Variants in VPS13A observed in about 807,000 individuals in gnomAD.
VPS13A encodes intermembrane lipid transfer protein VPS13A.
Under a neutral mutation model 390.9 loss-of-function variants are expected in VPS13A, and 264 were observed. The ratio of observed to expected loss-of-function variants is 0.68; its 90% CI spans 0.61 to 0.75. The LOEUF (loss-of-function observed/expected upper bound fraction) is 0.75, where lower values mean the gene tolerates loss of function less well. Ranked by LOEUF, VPS13A falls within the 30% of genes least tolerant of loss-of-function variation. The probability of loss-of-function intolerance (pLI) is 0.00; values close to 1 mark genes in which losing one functional copy is unlikely to be tolerated. For missense variants in VPS13A, 3,409 were observed against 3,733.9 expected (o/e 0.91, Z 2.27); for synonymous variants, 1,231 against 1,227.1 (o/e 1.00, Z -0.07).
intron 67 of VPS13A, among the ~76,000 whole-genome samples, chr9:77,373,822 C>T (rs184789722): frequency 1.1e-3 from 160 of 151,560 alleles, no homozygotes; most frequent in Non-Finnish European, 1.3e-3. Context: ...AAAAAGTGGG[C>T]GAAGGACATG....
At position 77,343,943 on chromosome 9, in the gene VPS13A, A is replaced by C. The variant is rs190485195; in HGVS notation, c.7027-210A>C. Among the ~76,000 whole-genome samples, 269 of 152,306 alleles carry C rather than the reference A, an allele frequency of 1.8e-3. 2 individuals carry two copies. The highest frequency in any genetic ancestry group is 5.8e-3 in the African/African-American group (243 of 41,568). ...ACTTACCATAGCTCTTCAATTTGCT[A>C]TCCACTGCTTCTTGAATGCATAGTG... On this transcript the variant is annotated intron_variant, in intron 50 of 71. Transcript: ENST00000360280.
chr9:77,419,620 A>G lies in VPS13A; in HGVS notation c.*3614A>G, dbSNP rs1469271198. ...AAAATATTTTTCTTCTCTGCTGTGTATCGGGCAACCTCACATGATTCAGTG... is the reference window on the plus strand; with the variant it reads ...AAAATATTTTTCTTCTCTGCTGTGTGTCGGGCAACCTCACATGATTCAGTG... On this transcript the variant is annotated 3_prime_UTR_variant, in exon 72 of 72. Transcript: ENST00000360280. 1 of 152,202 alleles carries G rather than the reference A, an allele frequency of 6.6e-6. No individual in the cohort carries two copies. The highest frequency in any genetic ancestry group is 6.5e-5 in the Admixed American group (1 of 15,284). 9.4% of individuals were successfully genotyped at this position (152,202 alleles called of 1,614,324 possible). A position where few individuals can be genotyped will look rare whatever the true frequency, so the allele number is the denominator to read the frequency against.
At chr9:77,326,000 A>G (rs1205880607) in intron 45 of VPS13A, among the ~76,000 whole-genome samples, 1 of 152,084 alleles carries the variant, frequency 6.6e-6, no homozygotes, top group African/African-American at 2.4e-5. Context: ...TTTCACATAT[A>G]TGTATTACAG....
chr9:77,365,117 A>G (rs1190896972), intron 59 of VPS13A, among the ~76,000 whole-genome samples: 1 of 152,220 alleles, frequency 6.6e-6, no homozygotes, highest in Non-Finnish European at 1.5e-5. Context: ...AGACTACAAA[A>G]TACAAGTTGA....
rs1309386470 is a variant in VPS13A at position 77,337,335 on chromosome 9, A to G, written c.6176A>G (p.Asp2059Gly). 5 of 1,612,762 alleles carry G rather than the reference A, an allele frequency of 3.1e-6. No homozygotes were observed. The highest frequency in any genetic ancestry group is 1.3e-5 in the African/African-American group (1 of 74,902). Residue 2059 changes from aspartate to glycine, a missense_variant, in exon 47 of 72, where the codon GAT becomes GGT. Physicochemically the swap from Asp to Gly is moderately conservative, Grantham distance 94. Around this residue, in one of 5 missense-constraint regions of VPS13A, gnomAD observed 2,717 missense variants for 2,917.4 expected, o/e 0.93. Coordinates refer to ENST00000360280, the MANE Select transcript of VPS13A (RefSeq NM_033305.3). The stretch of plus-strand genomic sequence containing the variant: ...GACTTTGAAGAGATTATAAAAAATG[A>G]TGGTGCTCTTCTAAAGAAGAAATGT... The part of the protein sequence containing the change: ...GIDFEEIIKN[D>G]GALLKKKCRS...
intron 62 of VPS13A, among the ~76,000 whole-genome samples, chr9:77,368,632 C>T (rs1001650663): frequency 6.6e-6 from 1 of 152,066 alleles, no homozygotes; most frequent in African/African-American, 2.4e-5. Flanking sequence ...ATTTGGATTT[C>T]TCCCACTTTT....
intron 23 of VPS13A, among the ~76,000 whole-genome samples, chr9:77,262,108 C>CT (rs1455990936): frequency 2.0e-5 from 3 of 152,042 alleles, no homozygotes; most frequent in Admixed American, 6.6e-5. Flanking sequence ...TTATGGTTGT[C>CT]TAATTAAGGA....
rs186605715 is a variant in VPS13A, at chr9:77,336,321, C to T, written c.6096-934C>T. 5.4e-3 allele frequency among the ~76,000 whole-genome samples: 823 copies of T among 152,068 alleles called. 9 individuals are homozygous for T. Among genetic ancestry groups the T allele is most frequent in the African/African-American group, 0.019 (779 of 41,476 alleles). ...TACCTCTGTAACAAACCTGCACTTT[C>T]TGCATATGTATCCCAGAACCTAAAG... On this transcript the variant is annotated intron_variant, in intron 46 of 71. Transcript: ENST00000360280.
At chr9:77,282,328 C>A in intron 29 of VPS13A, 54 bp downstream of exon 29, 3 of 1,495,574 alleles carry the variant, frequency 2.0e-6, no homozygotes, top group South Asian at 2.4e-5. Context: ...CCATGTAGGT[C>A]AATAAATCTA....
intron 42 of VPS13A, among the ~76,000 whole-genome samples, chr9:77,319,909 C>T (rs539319255): frequency 1.4e-4 from 22 of 152,112 alleles, no homozygotes; most frequent in Non-Finnish European, 2.9e-4. Flanking sequence ...CCACACTCGA[C>T]ACTTTATTTT....
intron 40 of VPS13A, 64 bp downstream of exon 40, chr9:77,317,762 G>A: frequency 8.0e-7 from 1 of 1,248,802 alleles, no homozygotes; most frequent in Non-Finnish European, 1.1e-6. Flanking sequence ...AGCCTAGAAA[G>A]TTATTATAGC....
intron 1 of VPS13A, among the ~76,000 whole-genome samples, chr9:77,190,777 AGTTTCTTCC>A (rs1824630577): frequency 1.3e-5 from 2 of 152,186 alleles, no homozygotes; most frequent in African/African-American, 4.8e-5. Context: ...TGAGGTATTC[AGTTTCTTCC>A]AGGTTCAATC....
rs760655067 is a variant in VPS13A at position 77,339,836 on chromosome 9, T to C, written c.6699T>C (p.His2233=). ...TACAGTACAAAGCAGACGGAATTCA[T>C]CGAAAGCATCCACCTAATTATAAAA... is the stretch of plus-strand genomic sequence containing the variant. The part of the protein sequence containing the change: ...RMLQYKADGI[H]RKHPPNYKKP... Residue 2233 remains histidine, a synonymous_variant, in exon 48 of 72, where the codon CAT becomes CAC. Coordinates refer to ENST00000360280, the MANE Select transcript of VPS13A (RefSeq NM_033305.3). 1.2e-6 allele frequency: 2 copies of C among 1,613,990 alleles called. No individual in the cohort carries two copies. The highest frequency in any genetic ancestry group is 1.7e-6 in the Non-Finnish European group (2 of 1,179,956).
rs1247025465 is a variant in VPS13A at position 77,416,108 on chromosome 9, A to T, written c.*102A>T. The stretch of plus-strand genomic sequence containing the variant: ...GCATATTACAGAAATGATTTCAAGT[A>T]CCCTGTATTCTGGATGCTAAAAAAC... On this transcript the variant is annotated 3_prime_UTR_variant, in exon 72 of 72. Transcript: ENST00000360280. 1 of 1,370,068 alleles carries T rather than the reference A, an allele frequency of 7.3e-7. No individual in the cohort carries two copies. The highest frequency in any genetic ancestry group is 1.4e-5 in the African/African-American group (1 of 69,564). 84.9% of individuals were successfully genotyped at this position (1,370,068 alleles called of 1,614,324 possible).
rs1169254413 is a variant in VPS13A at position 77,411,660 on chromosome 9, C to CAAAAAAAAAAAA, written c.9474+4067_9474+4078dup. On this transcript the variant is annotated intron_variant, in intron 71 of 71. Transcript: ENST00000360280. The stretch of plus-strand genomic sequence containing the variant: ...CCTAGGCAACAGCAAAACTCCATCT[C>CAAAAAAAAAAAA]AAAAAAAAAAAAAAAAAAAAAAAAA... Among the ~76,000 whole-genome samples, 56 of 33,912 alleles carry CAAAAAAAAAAAA rather than the reference C, an allele frequency of 1.7e-3. 1 individual carries two copies. Among genetic ancestry groups the CAAAAAAAAAAAA allele is most frequent in the African/African-American group, 3.5e-3 (29 of 8,328 alleles). 22.2% of individuals were successfully genotyped at this position (33,912 alleles called of 152,430 possible). A position where few individuals can be genotyped will look rare whatever the true frequency, so the allele number is the denominator to read the frequency against.
rs1288709096 is a variant in VPS13A, at chr9:77,413,542, A to G, written c.9475-2414A>G. ...CTGGGAAAACTAGCTAGCCATATGTAGAAAGCTGAAACTGGATCCCTTCCT... is the reference window on the plus strand; with the variant it reads ...CTGGGAAAACTAGCTAGCCATATGTGGAAAGCTGAAACTGGATCCCTTCCT... On this transcript the variant is annotated intron_variant, in intron 71 of 71. Coordinates refer to ENST00000360280, the MANE Select transcript of VPS13A (RefSeq NM_033305.3). Among the ~76,000 whole-genome samples the G allele has an allele frequency of 3.5e-4, 54 of 152,334 alleles. 2 individuals carry two copies. The East Asian group carries it at 9.8e-3, about 28-fold the overall frequency.
intron 27 of VPS13A, among the ~76,000 whole-genome samples, 175 bp downstream of exon 27, chr9:77,280,413 A>G (rs1226154659): frequency 6.6e-6 from 1 of 152,148 alleles, no homozygotes; most frequent in Non-Finnish European, 1.5e-5. Context: ...GTTGTGATTT[A>G]TAAATACTTC....
At chr9:77,201,838 A>G (rs1254192433) in intron 3 of VPS13A, among the ~76,000 whole-genome samples, 3 of 152,194 alleles carry the variant, frequency 2.0e-5, no homozygotes, top group African/African-American at 7.2e-5. Flanking sequence ...GTATGGTTTC[A>G]GAAAATACTG....
intron 42 of VPS13A, among the ~76,000 whole-genome samples, chr9:77,320,527 AT>A (rs1458631059): frequency 6.6e-6 from 1 of 152,118 alleles, no homozygotes; most frequent in Non-Finnish European, 1.5e-5. Flanking sequence ...CTGCAGACAG[AT>A]TTTCAGTGGC....
Sources: gnomAD v4.1 joint callset for allele counts (sites outside exome capture counted in the v4.1 genomes callset) on GRCh38, gnomAD v4.1.1 for gene constraint, gnomAD v4.1.1 regional missense constraint, MANE v1.5 for transcripts, NCBI Gene and HGNC (gene_info 2026-07-23, HGNC 2026-07-21) for gene names.